Variants in BCL2 observed in about 807,000 individuals in gnomAD.
BCL2 encodes the protein apoptosis regulator Bcl-2.
Under a neutral mutation model 14.2 loss-of-function variants are expected in BCL2, and 1 was observed. The observed-to-expected ratio is 0.07, with a 90% CI of 0.02 to 0.33. The LOEUF is 0.33. BCL2 is among the 10% of genes least tolerant of loss of function. The pLI is 0.99. For missense variants in BCL2, 247 were observed against 305.9 expected, an observed-to-expected ratio of 0.81 and a Z score of 1.44; for synonymous variants, 151 against 137.2, an observed-to-expected ratio of 1.10 and a Z score of -0.70.
chr18:63,139,886 C>G (rs556245967), intron 2 of BCL2, among the ~76,000 whole-genome samples: 1 of 152,238 alleles, frequency 6.6e-6, no homozygotes, highest in South Asian at 2.1e-4. Context: ...AAACTTAACA[C>G]TTTTATGATA....
chr18:63,239,285 G>A (rs1910927293), intron 2 of BCL2, among the ~76,000 whole-genome samples: 1 of 152,206 alleles, frequency 6.6e-6, no homozygotes, highest in African/African-American at 2.4e-5. Flanking sequence ...AAGCAAAATG[G>A]AAGGGGCCTC....
At chr18:63,181,118 T>G (rs892128146) in intron 2 of BCL2, among the ~76,000 whole-genome samples, 1 of 152,234 alleles carries the variant, frequency 6.6e-6, no homozygotes, top group Non-Finnish European at 1.5e-5. Flanking sequence ...CAGTCATTTT[T>G]ACCTCTGCCA....
At chr18:63,317,942 G>C in intron 2 of BCL2, 140 bp downstream of exon 2, 1 of 1,472,020 alleles carries the variant, frequency 6.8e-7, no homozygotes, top group Non-Finnish European at 9.0e-7. Flanking sequence ...GGAGGAGGTA[G>C]GGACGCCGGG....
At chr18:63,285,473 G>A (rs1912444528) in intron 2 of BCL2, among the ~76,000 whole-genome samples, 1 of 152,202 alleles carries the variant, frequency 6.6e-6, no homozygotes, top group Non-Finnish European at 1.5e-5. Context: ...CTTAGTTGGA[G>A]CTGTAGCTAG....
rs1012293093 is a variant in BCL2, at chr18:63,319,330, A to G, written c.-443T>C. The G allele has an allele frequency of 7.9e-5, 18 of 227,836 alleles. No homozygotes were observed. The highest frequency in any genetic ancestry group is 6.1e-5 in the Non-Finnish European group (7 of 114,794). 14.1% of individuals were successfully genotyped at this position (227,836 alleles called of 1,614,324 possible). Reference sequence around the variant, plus strand: ...ATCAGGAGTCGCGGGGAGAGGGAGTAAAAATTAGGAGGATTTCCAGATCGA... The same window carrying G: ...ATCAGGAGTCGCGGGGAGAGGGAGTGAAAATTAGGAGGATTTCCAGATCGA... On this transcript the variant is annotated 5_prime_UTR_variant, in exon 1 of 3. Transcript: ENST00000333681.
At chr18:63,172,642 G>T (rs1174374858) in intron 2 of BCL2, among the ~76,000 whole-genome samples, 2 of 152,158 alleles carry the variant, frequency 1.3e-5, no homozygotes, top group Non-Finnish European at 2.9e-5. Flanking sequence ...TTAGCCAGGT[G>T]TGGTGGCGGG....
chr18:63,284,359 G>C (rs964745034), intron 2 of BCL2, among the ~76,000 whole-genome samples: 3 of 152,186 alleles, frequency 2.0e-5, no homozygotes, highest in Non-Finnish European at 4.4e-5. Context: ...CAGTGGTTGA[G>C]GAGAAAAGAG....
chr18:63,236,032 G>T (rs1029638741), intron 2 of BCL2, among the ~76,000 whole-genome samples: 55 of 152,236 alleles, frequency 3.6e-4, no homozygotes, highest in African/African-American at 1.3e-3. Context: ...GGCACCTGGT[G>T]GGAGGCAACT....
intron 2 of BCL2, among the ~76,000 whole-genome samples, chr18:63,147,048 C>A (rs1914530782): frequency 6.6e-6 from 1 of 152,212 alleles, no homozygotes; most frequent in Admixed American, 6.5e-5. Flanking sequence ...GAGAGCTCAA[C>A]CCCTGGCTCT....
At position 63,318,115 on chromosome 18, in the gene BCL2, G is replaced by A. The variant is rs563883873; in HGVS notation, c.552C>T (p.His184=). 35 of 1,614,012 alleles carry A rather than the reference G, an allele frequency of 2.2e-5. No homozygotes were observed. The highest frequency in any genetic ancestry group is 2.9e-5 in the Non-Finnish European group (34 of 1,180,008). ...CGTTATCCTGGATCCAGGTGTGCAG[G>A]TGCCGGTTCAGGTACTCAGTCATCC... ...ALWMTEYLNR[H]LHTWIQDNGG... Residue 184 remains histidine, a synonymous_variant, in exon 2 of 3, where the codon CAC becomes CAT. Transcript: ENST00000333681. The surrounding 1 kb of genome is among the most constrained non-coding windows in gnomAD (Gnocchi z 7.4).
intron 2 of BCL2, among the ~76,000 whole-genome samples, chr18:63,264,229 T>G (rs977710009): frequency 1.3e-5 from 2 of 152,138 alleles, no homozygotes; most frequent in Non-Finnish European, 2.9e-5. Context: ...AACAAAATGT[T>G]TTATTTCCTC....
At chr18:63,179,515 G>A (rs922079678) in intron 2 of BCL2, among the ~76,000 whole-genome samples, 4 of 152,002 alleles carry the variant, frequency 2.6e-5, no homozygotes, top group African/African-American at 9.7e-5. Context: ...GGTGCTATTT[G>A]TAAAGGTGAG....
chr18:63,159,616 G>A (rs1215529236), intron 2 of BCL2, among the ~76,000 whole-genome samples: 1 of 152,224 alleles, frequency 6.6e-6, no homozygotes, highest in Non-Finnish European at 1.5e-5. Context: ...CAGTGAGTGA[G>A]TGGACATTTA....
chr18:63,158,686 A>G (rs1914844501), intron 2 of BCL2, among the ~76,000 whole-genome samples: 1 of 152,218 alleles, frequency 6.6e-6, no homozygotes, highest in Admixed American at 6.5e-5. Flanking sequence ...ATAACCTTCA[A>G]TGAAGCCAGG....
chr18:63,289,534 G>C (rs1344229), intron 2 of BCL2, among the ~76,000 whole-genome samples: 1 of 151,926 alleles, frequency 6.6e-6, no homozygotes, highest in Non-Finnish European at 1.5e-5. Context: ...ATAGGTTGCA[G>C]TGAAAGATGG....
intron 2 of BCL2, among the ~76,000 whole-genome samples, chr18:63,186,957 G>T (rs1161482179): frequency 6.6e-6 from 1 of 152,150 alleles, no homozygotes; most frequent in African/African-American, 2.4e-5. Context: ...GGGGCATTCT[G>T]TTTTCTTTTG....
intron 2 of BCL2, among the ~76,000 whole-genome samples, chr18:63,182,604 G>A (rs1599229928): frequency 2.0e-5 from 3 of 152,308 alleles, no homozygotes; most frequent in South Asian, 4.1e-4. Flanking sequence ...CAGCCACCCT[G>A]CATATTAAAC....
chr18:63,130,227 A>T (rs532206289), intron 2 of BCL2, among the ~76,000 whole-genome samples: 1 of 152,236 alleles, frequency 6.6e-6, no homozygotes, highest in Non-Finnish European at 1.5e-5. Flanking sequence ...TTTATTCAGG[A>T]TGAAGAAGAA....
chr18:63,160,781 G>GA (rs1489379415), intron 2 of BCL2, among the ~76,000 whole-genome samples: 1 of 130,864 alleles, frequency 7.6e-6, no homozygotes, highest in Non-Finnish European at 1.5e-5. Context: ...GGGGCTGCGA[G>GA]AAAAAAGCCA....
Sources: gnomAD v4.1 joint callset for allele counts (sites outside exome capture counted in the v4.1 genomes callset) on GRCh38, gnomAD v4.1.1 for gene constraint, Gnocchi (gnomAD v3.1) non-coding constraint, MANE v1.5 for transcripts, NCBI Gene and HGNC (gene_info 2026-07-23, HGNC 2026-07-21) for gene names.